Variants in CATSPER3 observed in about 807,000 individuals in gnomAD.
CATSPER3 encodes cation channel sperm-associated protein 3.
In CATSPER3, 23 loss-of-function variants were observed where a neutral mutation model predicts 36.6. The ratio of observed to expected loss-of-function variants is 0.63; its 90% CI spans 0.45 to 0.89. The LOEUF is 0.89. Ranked by LOEUF, CATSPER3 falls within the 40% of genes least tolerant of loss-of-function variation. CATSPER3 has a pLI of 0.00. For synonymous variants in CATSPER3, 172 were observed against 184.1 expected (o/e 0.93, Z 0.53); for missense variants, 474 against 503.9 (o/e 0.94, Z 0.57).
intron 3 of CATSPER3, among the ~76,000 whole-genome samples, chr5:135,000,344 G>C (rs1029740745): frequency 6.6e-6 from 1 of 152,192 alleles, no homozygotes; most frequent in Non-Finnish European, 1.5e-5. Flanking sequence ...GAGGATTTTT[G>C]CATTGATGTT....
chr5:135,004,765 G>A (rs1332093945), intron 3 of CATSPER3, among the ~76,000 whole-genome samples: 2 of 152,180 alleles, frequency 1.3e-5, no homozygotes, highest in Non-Finnish European at 2.9e-5. Context: ...TTCAAGACAT[G>A]AGGGAGAGGG....
At chr5:134,970,395 G>C (rs977055304) in intron 2 of CATSPER3, among the ~76,000 whole-genome samples, 1 of 151,200 alleles carries the variant, frequency 6.6e-6, no homozygotes, top group Non-Finnish European at 1.5e-5. Flanking sequence ...TCTTGACCTC[G>C]TGATCCACCC....
At chr5:135,007,807 C>T in intron 3 of CATSPER3, 150 bp from the exon 4 acceptor site, 1 of 122,270 alleles carries the variant, frequency 8.2e-6, no homozygotes, top group South Asian at 3.0e-4. Context: ...CCAACCAACC[C>T]ACCCACCCAC....
intron 3 of CATSPER3, among the ~76,000 whole-genome samples, chr5:134,997,007 T>G (rs1419655718): frequency 6.6e-6 from 1 of 152,262 alleles, no homozygotes; most frequent in South Asian, 2.1e-4. Flanking sequence ...GAAGTCTTTC[T>G]GGGTTGCTGA....
At chr5:135,000,835 T>A (rs299368) in intron 3 of CATSPER3, among the ~76,000 whole-genome samples, 6 of 151,946 alleles carry the variant, frequency 3.9e-5, no homozygotes, top group African/African-American at 1.5e-4. Flanking sequence ...GTCTTGCTAG[T>A]GGTCTATCAA....
intron 3 of CATSPER3, among the ~76,000 whole-genome samples, chr5:135,005,886 G>A (rs1414537217): frequency 2.0e-5 from 3 of 152,170 alleles, no homozygotes; most frequent in African/African-American, 7.2e-5. Context: ...CATCCAATGG[G>A]CTGTGTAGGA....
chr5:134,986,343 C>A (rs1339780219), intron 2 of CATSPER3, among the ~76,000 whole-genome samples: 1 of 151,942 alleles, frequency 6.6e-6, no homozygotes, highest in Non-Finnish European at 1.5e-5. Context: ...ACGGTTTCTC[C>A]ATGTTGGTCA....
chr5:135,008,044 T>C lies in CATSPER3; in HGVS notation c.580T>C (p.Leu194=). 1 of 1,614,204 alleles carries C rather than the reference T, an allele frequency of 6.2e-7. No homozygotes were observed. The highest frequency in any genetic ancestry group is 8.5e-7 in the Non-Finnish European group (1 of 1,180,002). ...CCTCCTCATGTACATCTTCGCTATCTTGGGCTTCTGCCTGTTTGGATCTCC... is the reference window on the plus strand; with the variant it reads ...CCTCCTCATGTACATCTTCGCTATCCTGGGCTTCTGCCTGTTTGGATCTCC... ...LFLLMYIFAI[L]GFCLFGSPDN... The change falls in exon 4 of 8, where the codon TTG becomes CTG. Residue 194 remains leucine, a synonymous_variant. Transcript: ENST00000282611.
intron 1 of CATSPER3, 90 bp downstream of exon 1, chr5:134,968,179 C>A: frequency 1.1e-6 from 1 of 900,602 alleles, no homozygotes; most frequent in Non-Finnish European, 1.8e-6. Context: ...CCTCTTCCCT[C>A]AGATACTCGT....
Position 135,006,711 on chromosome 5 carries a change from A to G in CATSPER3, c.493-1246A>G, listed in dbSNP as rs1752091692. ...AAATTAGCCGGGCGCAGTGGCGGGC[A>G]CCTGTAGTCCCAGCTACTTGGGAGG... is the stretch of plus-strand genomic sequence containing the variant. On this transcript the variant is annotated intron_variant, in intron 3 of 7. Coordinates refer to ENST00000282611, the MANE Select transcript of CATSPER3 (RefSeq NM_178019.3). Among the ~76,000 whole-genome samples the G allele has an allele frequency of 2.0e-5, 3 of 151,596 alleles. No homozygotes were observed. In the South Asian group the frequency reaches 6.3e-4, roughly 32 times the overall value.
intron 3 of CATSPER3, among the ~76,000 whole-genome samples, chr5:135,004,574 G>A (rs1434750558): frequency 6.6e-6 from 1 of 152,228 alleles, no homozygotes; most frequent in Non-Finnish European, 1.5e-5. Context: ...AGTGGGAAGT[G>A]TAATCTGGTT....
chr5:134,997,117 C>T (rs1218876433), intron 3 of CATSPER3, among the ~76,000 whole-genome samples: 3 of 152,196 alleles, frequency 2.0e-5, no homozygotes, highest in Admixed American at 1.3e-4. Flanking sequence ...TCCTGTGCAC[C>T]GTAGGTTCAC....
At chr5:134,975,257 C>G (rs1580902512) in intron 2 of CATSPER3, 1 of 152,058 alleles carries the variant, frequency 6.6e-6, no homozygotes, top group East Asian at 1.9e-4. Context: ...GTGAGAGAGC[C>G]CTGATCTCTC....
chr5:134,981,459 C>G (rs1751749829), intron 2 of CATSPER3, among the ~76,000 whole-genome samples: 1 of 152,090 alleles, frequency 6.6e-6, no homozygotes, highest in Non-Finnish European at 1.5e-5. Flanking sequence ...GCACTCTAGC[C>G]TGGGTGACAG....
chr5:134,990,531 A>C (rs1049739898), intron 2 of CATSPER3, among the ~76,000 whole-genome samples: 1 of 152,190 alleles, frequency 6.6e-6, no homozygotes, highest in Non-Finnish European at 1.5e-5. Context: ...TTAGCTTAGT[A>C]ATTTCAGTGC....
intron 3 of CATSPER3, among the ~76,000 whole-genome samples, chr5:135,003,696 C>G (rs1414681244): frequency 6.6e-6 from 1 of 152,252 alleles, no homozygotes; most frequent in Non-Finnish European, 1.5e-5. Flanking sequence ...GCAGTTCAAT[C>G]TCAGACTGCT....
rs558275633 is a variant in CATSPER3 at position 134,999,815 on chromosome 5, C to T, written c.492+3303C>T. 2.5e-3 allele frequency among the ~76,000 whole-genome samples: 383 copies of T among 152,280 alleles called. 1 individual carries two copies. Among genetic ancestry groups the T allele is most frequent in the Non-Finnish European group, 4.1e-3 (278 of 68,032 alleles). Reference sequence around the variant, plus strand: ...AGCTCAAGGAGATTTTGGGCTGAGACGATGGGGTTTTCTAAATATACAATC... The same window carrying T: ...AGCTCAAGGAGATTTTGGGCTGAGATGATGGGGTTTTCTAAATATACAATC... On this transcript the variant is annotated intron_variant, in intron 3 of 7. Transcript: ENST00000282611.
Position 135,010,574 on chromosome 5 carries a change from G to A in CATSPER3, c.1094+44G>A, listed in dbSNP as rs560060226. 7.5e-6 allele frequency: 12 copies of A among 1,590,008 alleles called. No individual in the cohort carries two copies. The African/African-American group carries it at 8.1e-5, about 11-fold the overall frequency. On this transcript the variant is annotated intron_variant, in intron 7 of 7. Coordinates refer to ENST00000282611, the MANE Select transcript of CATSPER3 (RefSeq NM_178019.3). The stretch of plus-strand genomic sequence containing the variant: ...CTTCCCTGGTCCCTAGGGCTTCCTC[G>A]AGGTTGGGCTGTGTCAGGTGCCCTG...
At chr5:134,986,704 C>G (rs1034648240) in intron 2 of CATSPER3, among the ~76,000 whole-genome samples, 1 of 152,142 alleles carries the variant, frequency 6.6e-6, no homozygotes, top group Non-Finnish European at 1.5e-5. Flanking sequence ...CTCAGGTGAT[C>G]CACCTGCCTC....
Sources: gnomAD v4.1 joint callset for allele counts (sites outside exome capture counted in the v4.1 genomes callset) on GRCh38, gnomAD v4.1.1 for gene constraint, MANE v1.5 for transcripts, NCBI Gene and HGNC (gene_info 2026-07-23, HGNC 2026-07-21) for gene names.